TXNDC5: variants seen among roughly 807,000 people sequenced by gnomAD.
TXNDC5 encodes thioredoxin domain containing 5.
A neutral mutation model predicts 52.6 loss-of-function variants in TXNDC5; 44 were observed. The observed-to-expected ratio is 0.84, with a 90% CI of 0.66 to 1.08. The LOEUF (loss-of-function observed/expected upper bound fraction) is 1.08. Among genes scored for constraint, TXNDC5 ranks in the 50% least tolerant of loss-of-function variants. The pLI is 0.00. For synonymous variants in TXNDC5, 241 were observed against 234.4 expected, an observed-to-expected ratio of 1.03 and a Z score of -0.26; for missense variants, 600 against 565.5, an observed-to-expected ratio of 1.06 and a Z score of -0.62.
At chr6:7,886,070 C>A (rs761478111) in intron 7 of TXNDC5, 27 bp from the exon 8 acceptor site, 2 of 1,602,230 alleles carry the variant, frequency 1.2e-6, no homozygotes, top group South Asian at 2.2e-5. Flanking sequence ...AGCCACAGTT[C>A]AAGTACATCC....
At chr6:7,885,207 TAACA>T (rs1317157306) in intron 8 of TXNDC5, among the ~76,000 whole-genome samples, 2 of 152,188 alleles carry the variant, frequency 1.3e-5, no homozygotes, top group African/African-American at 2.4e-5. Flanking sequence ...ATGTGGAGTG[TAACA>T]AACAAGAAAA....
intron 2 of TXNDC5, among the ~76,000 whole-genome samples, chr6:7,903,150 T>TC (rs1760622299): frequency 6.6e-6 from 1 of 152,168 alleles, no homozygotes; most frequent in African/African-American, 2.4e-5. Flanking sequence ...AAAGCAACAG[T>TC]TTCTCAACAG....
chr6:7,899,545 G>GAGGGAGGA, intron 3 of TXNDC5, 31 bp downstream of exon 3: 2 of 1,553,806 alleles, frequency 1.3e-6, no homozygotes. Flanking sequence ...GGGAGGGAGG[G>GAGGGAGGA]AGGGAGGGAG....
Position 7,888,777 on chromosome 6 carries a change from T to C in TXNDC5, c.891A>G (p.Thr297=), listed in dbSNP as rs765666642. The C allele has an allele frequency of 1.9e-6, 3 of 1,614,150 alleles. No individual in the cohort carries two copies. Among genetic ancestry groups the C allele is most frequent in the South Asian group, 1.1e-5 (1 of 91,074 alleles). ...REYVESQLQR[T]ETGATETVTP... ...TGACGGTCTCCGTCGCTCCAGTCTCTGTGCGCTGCAGCTGCGACTCCACGT... is the reference window on the plus strand; with the variant it reads ...TGACGGTCTCCGTCGCTCCAGTCTCCGTGCGCTGCAGCTGCGACTCCACGT... Residue 297 remains threonine, a synonymous_variant, in exon 7 of 10, where the codon ACA becomes ACG. Transcript: ENST00000379757.
At chr6:7,895,024 C>A in intron 4 of TXNDC5, 82 bp downstream of exon 4, 1 of 1,520,120 alleles carries the variant, frequency 6.6e-7, no homozygotes. Flanking sequence ...TCTAAGAGCC[C>A]TTGAGTAGCA....
At chr6:7,893,045 T>A (rs973056114) in intron 4 of TXNDC5, among the ~76,000 whole-genome samples, 1 of 152,210 alleles carries the variant, frequency 6.6e-6, no homozygotes, top group Non-Finnish European at 1.5e-5. Context: ...CTGTATTATA[T>A]TTTATCATAA....
Position 7,889,506 on chromosome 6 carries a change from C to T in TXNDC5, c.808G>A (p.Asp270Asn), listed in dbSNP as rs1760118930. Residue 270 changes from aspartate to asparagine, a missense_variant, in exon 6 of 10, where the codon GAT becomes AAT. Coordinates refer to ENST00000379757, the MANE Select transcript of TXNDC5 (RefSeq NM_030810.5). ...RGYPTLLWFR[D>N]GKKVDQYKGK... ...AAGTGCAGACGTACCTTTTTCCCAT[C>T]TCGGAACCAGAGAAGAGTGGGATAG... 1 of 1,613,570 alleles carries T rather than the reference C, an allele frequency of 6.2e-7. No homozygotes were observed. Among genetic ancestry groups the T allele is most frequent in the Non-Finnish European group, 8.5e-7 (1 of 1,179,538 alleles).
chr6:7,894,206 C>A (rs1760292512), intron 4 of TXNDC5, among the ~76,000 whole-genome samples: 1 of 152,020 alleles, frequency 6.6e-6, no homozygotes, highest in Non-Finnish European at 1.5e-5. Context: ...GCAGCCTTGA[C>A]CTTCCAGGCT....
At chr6:7,893,087 T>A (rs780506767) in intron 4 of TXNDC5, among the ~76,000 whole-genome samples, 2 of 152,242 alleles carry the variant, frequency 1.3e-5, no homozygotes, top group Non-Finnish European at 2.9e-5. Flanking sequence ...CATCACCCCC[T>A]TGGCTACGGG....
chr6:7,891,423 C>A (rs1181807880), intron 5 of TXNDC5, among the ~76,000 whole-genome samples, 198 bp downstream of exon 5: 3 of 152,190 alleles, frequency 2.0e-5, no homozygotes, highest in African/African-American at 7.2e-5. Flanking sequence ...CATAATTTAT[C>A]TCTAGGCTGT....
At chr6:7,904,176 T>C (rs530196076) in intron 2 of TXNDC5, among the ~76,000 whole-genome samples, 153 of 152,314 alleles carry the variant, frequency 1.0e-3, no homozygotes, top group African/African-American at 3.4e-3. Context: ...GACTCTATAC[T>C]TTCTTTCCAA....
At chr6:7,902,405 G>A (rs765006498) in intron 2 of TXNDC5, among the ~76,000 whole-genome samples, 1 of 151,466 alleles carries the variant, frequency 6.6e-6, no homozygotes, top group Non-Finnish European at 1.5e-5. Flanking sequence ...TAGGGAGCGT[G>A]GGAGCCCAAA....
In TXNDC5 at chr6:7,902,234, T is replaced by C. The variant is rs116234619; in HGVS notation, c.413+2340A>G. 3.2e-3 allele frequency among the ~76,000 whole-genome samples: 480 copies of C among 152,288 alleles called. 2 individuals are homozygous for C. Among genetic ancestry groups the C allele is most frequent in the African/African-American group, 0.011 (451 of 41,574 alleles). ...GGCCTCCAGGACTGCAGAGAATACA[T>C]TTCTATTGTTTCTGGCCACCCGGTT... is the stretch of plus-strand genomic sequence containing the variant. On this transcript the variant is annotated intron_variant, in intron 2 of 9. Transcript: ENST00000379757.
intron 1 of TXNDC5, 142 bp downstream of exon 1, chr6:7,910,372 C>G (rs1760877916): frequency 9.6e-7 from 1 of 1,037,072 alleles, no homozygotes; most frequent in African/African-American, 1.7e-5. Flanking sequence ...GAGCCCCGAG[C>G]CCCGCGCCCG....
chr6:7,882,990 G>C lies in TXNDC5; in HGVS notation c.*154C>G. On this transcript the variant is annotated 3_prime_UTR_variant, in exon 10 of 10. Transcript: ENST00000379757. Reference sequence around the variant, plus strand: ...AATAAAGAATCTGTAGAGTGTGTTGGCTTGGAAAACACACACACAAAGAAG... The same window carrying C: ...AATAAAGAATCTGTAGAGTGTGTTGCCTTGGAAAACACACACACAAAGAAG... 1 of 962,104 alleles carries C rather than the reference G, an allele frequency of 1.0e-6. No individual in the cohort carries two copies. Among genetic ancestry groups the C allele is most frequent in the Non-Finnish European group, 1.5e-6 (1 of 661,322 alleles). The allele number at this position is 962,104 out of a possible 1,614,324, so 59.6% of individuals were successfully genotyped here.
chr6:7,888,727 G>A lies in TXNDC5; in HGVS notation c.941C>T (p.Ala314Val), dbSNP rs1424338751. The part of the protein sequence containing the change: ...TVTPSEAPVL[A>V]AEPEADKGTV... ...CACCTTGTCAGCCTCGGGCTCAGCT[G>A]CCAGCACCGGGGCCTCTGAGGGCGT... The change falls in exon 7 of 10, where the codon GCA becomes GTA. Residue 314 changes from alanine (A) to valine (V), a missense_variant. Ala to Val is a moderately conservative substitution (Grantham distance 64, BLOSUM62 0). Coordinates refer to ENST00000379757, the MANE Select transcript of TXNDC5 (RefSeq NM_030810.5). 7.4e-6 allele frequency: 12 copies of A among 1,612,836 alleles called. No individual in the cohort carries two copies. The highest frequency in any genetic ancestry group is 5.0e-5 in the Admixed American group (3 of 59,936).
At chr6:7,898,976 C>T (rs1317888233) in intron 3 of TXNDC5, among the ~76,000 whole-genome samples, 4 of 151,948 alleles carry the variant, frequency 2.6e-5, no homozygotes, top group African/African-American at 7.3e-5. Flanking sequence ...GACTGAGCAC[C>T]GAGAAGAAAA....
At chr6:7,898,709 T>C (rs1760456477) in intron 3 of TXNDC5, among the ~76,000 whole-genome samples, 1 of 152,136 alleles carries the variant, frequency 6.6e-6, no homozygotes, top group South Asian at 2.1e-4. Flanking sequence ...TCCAGGGACC[T>C]GAGCACTCGG....
At chr6:7,904,841 G>C in intron 1 of TXNDC5, 118 bp from the exon 2 acceptor site, 2 of 1,202,010 alleles carry the variant, frequency 1.7e-6, no homozygotes, top group African/African-American at 1.5e-5. Flanking sequence ...CACCATTGCA[G>C]ATGGCAGCTC....
Sources: allele counts gnomAD v4.1 joint callset (sites outside exome capture counted in the v4.1 genomes callset), GRCh38; gene constraint gnomAD v4.1.1; transcripts MANE v1.5; gene names NCBI Gene and HGNC (gene_info 2026-07-23, HGNC 2026-07-21).